Variants in TSHZ2 observed in about 807,000 individuals in gnomAD.
The protein encoded by TSHZ2 is teashirt zinc finger homeobox 2.
A neutral mutation model predicts 74.4 loss-of-function variants in TSHZ2; 21 were observed. The ratio of observed to expected loss-of-function variants is 0.28; its 90% confidence interval spans 0.20 to 0.41. TSHZ2 has a LOEUF of 0.41. Ranked by LOEUF, TSHZ2 falls within the 10% of genes least tolerant of loss-of-function variation. The probability of loss-of-function intolerance (pLI) is 1.00; values close to 1 mark genes in which losing one functional copy is unlikely to be tolerated. For missense variants in TSHZ2, 1,244 were observed against 1,293.5 expected (o/e 0.96, Z 0.59); for synonymous variants, 540 against 515.3 (o/e 1.05, Z -0.65).
At chr20:52,973,982 T>C (rs1981233291) in intron 1 of TSHZ2, among the ~76,000 whole-genome samples, 1 of 152,214 alleles carries the variant, frequency 6.6e-6, no homozygotes, top group Non-Finnish European at 1.5e-5. Flanking sequence ...CCCATAGAAA[T>C]TTAAACAGCT....
At chr20:53,304,139 T>C (rs1978421138) in intron 2 of TSHZ2, among the ~76,000 whole-genome samples, 1 of 150,906 alleles carries the variant, frequency 6.6e-6, no homozygotes, top group Non-Finnish European at 1.5e-5. Context: ...GCTGCACCCA[T>C]TAACTCGTCA....
At chr20:53,156,687 G>T (rs1987802795) in intron 1 of TSHZ2, among the ~76,000 whole-genome samples, 1 of 152,194 alleles carries the variant, frequency 6.6e-6, no homozygotes, top group Admixed American at 6.5e-5. Context: ...AGAAAGAAAA[G>T]AATTGCTCAA....
chr20:53,046,017 T>A (rs1984215712), intron 1 of TSHZ2, among the ~76,000 whole-genome samples: 1 of 152,196 alleles, frequency 6.6e-6, no homozygotes, highest in South Asian at 2.1e-4. Flanking sequence ...TCTGAGGTCC[T>A]TTCCAATTCT....
At chr20:53,440,841 C>T (rs1036214972) in intron 2 of TSHZ2, among the ~76,000 whole-genome samples, 2 of 152,234 alleles carry the variant, frequency 1.3e-5, no homozygotes, top group African/African-American at 4.8e-5. Flanking sequence ...TTGACCCACT[C>T]AAGCCACGTT....
At chr20:53,233,793 A>G (rs2123677173) in intron 1 of TSHZ2, among the ~76,000 whole-genome samples, 1 of 152,350 alleles carries the variant, frequency 6.6e-6, no homozygotes, top group African/African-American at 2.4e-5. Context: ...TTCAGTACTA[A>G]CAAAAAAAGA....
intron 1 of TSHZ2, among the ~76,000 whole-genome samples, chr20:52,987,660 C>G (rs1362736912): frequency 6.6e-6 from 1 of 152,096 alleles, no homozygotes; most frequent in African/African-American, 2.4e-5. Context: ...TAAGAAGGCT[C>G]TCTATTGTGT....
intron 2 of TSHZ2, among the ~76,000 whole-genome samples, chr20:53,387,186 C>CGTGG (rs1291925333): frequency 6.6e-6 from 1 of 152,186 alleles, no homozygotes; most frequent in African/African-American, 2.4e-5. Context: ...GCATACCGAG[C>CGTGG]TCCACGGGAT....
intron 2 of TSHZ2, among the ~76,000 whole-genome samples, chr20:53,443,620 G>A (rs1164677602): frequency 6.6e-6 from 1 of 152,222 alleles, no homozygotes; most frequent in East Asian, 1.9e-4. Flanking sequence ...ATGCTCAAAT[G>A]TCATTCTAAG....
At chr20:53,484,609 C>G (rs1420047797) in intron 2 of TSHZ2, among the ~76,000 whole-genome samples, 1 of 152,068 alleles carries the variant, frequency 6.6e-6, no homozygotes, top group East Asian at 1.9e-4. Flanking sequence ...TGGTCTTGAT[C>G]TCATAGCCTC....
At chr20:53,102,496 G>T (rs946941571) in intron 1 of TSHZ2, among the ~76,000 whole-genome samples, 1 of 148,926 alleles carries the variant, frequency 6.7e-6, no homozygotes, top group Admixed American at 6.8e-5. Context: ...GAGGGGAGAG[G>T]AAGGAAGAAG....
At chr20:53,111,525 T>G (rs1448747009) in intron 1 of TSHZ2, among the ~76,000 whole-genome samples, 1 of 152,132 alleles carries the variant, frequency 6.6e-6, no homozygotes, top group Non-Finnish European at 1.5e-5. Context: ...AATCAGCTCT[T>G]AAATCTCCTC....
intron 1 of TSHZ2, among the ~76,000 whole-genome samples, chr20:53,236,817 G>A (rs1421337847): frequency 2.6e-5 from 4 of 152,316 alleles, no homozygotes; most frequent in African/African-American, 4.8e-5. Flanking sequence ...GGAGAGAGAA[G>A]TACAGTATGA....
At chr20:53,248,419 A>G (rs1244244112) in intron 1 of TSHZ2, among the ~76,000 whole-genome samples, 1 of 152,210 alleles carries the variant, frequency 6.6e-6, no homozygotes, top group East Asian at 1.9e-4. Context: ...AGAAAATAAA[A>G]TATAAGGGTT....
At chr20:53,458,642 T>C (rs1985215247) in intron 2 of TSHZ2, among the ~76,000 whole-genome samples, 1 of 152,032 alleles carries the variant, frequency 6.6e-6, no homozygotes, top group South Asian at 2.1e-4. Context: ...CTAGTTCTTT[T>C]AATTGTGATG....
At chr20:53,051,457 G>GCACACACACACACACACACA (rs11474223) in intron 1 of TSHZ2, among the ~76,000 whole-genome samples, 7 of 145,100 alleles carry the variant, frequency 4.8e-5, no homozygotes, top group African/African-American at 1.0e-4. Flanking sequence ...TGTGGCGCAC[G>GCACACACACACACACACACA]CACACACACA....
chr20:53,253,186 C>T (rs950713812), intron 1 of TSHZ2, among the ~76,000 whole-genome samples: 1 of 149,794 alleles, frequency 6.7e-6, no homozygotes, highest in Non-Finnish European at 1.5e-5. Context: ...AAAAGTCATA[C>T]ACATGAATTT....
At chr20:53,007,701 T>A (rs1982695791) in intron 1 of TSHZ2, among the ~76,000 whole-genome samples, 1 of 149,038 alleles carries the variant, frequency 6.7e-6, no homozygotes, top group Non-Finnish European at 1.5e-5. Flanking sequence ...GTGGTGTGTG[T>A]GTATGTATGT....
At chr20:53,006,629 C>G (rs1392725170) in intron 1 of TSHZ2, among the ~76,000 whole-genome samples, 3 of 152,226 alleles carry the variant, frequency 2.0e-5, no homozygotes, top group African/African-American at 7.2e-5. Flanking sequence ...GATTCACAAA[C>G]CTACATTTCA....
At chr20:53,146,899 C>T (rs947362899) in intron 1 of TSHZ2, among the ~76,000 whole-genome samples, 3 of 152,020 alleles carry the variant, frequency 2.0e-5, no homozygotes, top group African/African-American at 7.2e-5. Context: ...TTTCAGGACC[C>T]GTATTAATAA....
Sources: gnomAD v4.1 joint callset for allele counts (sites outside exome capture counted in the v4.1 genomes callset) on GRCh38, gnomAD v4.1.1 for gene constraint, MANE v1.5 for transcripts, NCBI Gene and HGNC (gene_info 2026-07-23, HGNC 2026-07-21) for gene names.